Variants in AIM2 observed in about 807,000 individuals in gnomAD.
The protein encoded by AIM2 is absent in melanoma 2.
AIM2 carries 30 observed loss-of-function variants against 27.7 expected under a neutral mutation model. The observed-to-expected ratio is 1.08, with a 90% confidence interval of 0.81 to 1.47. The LOEUF (loss-of-function observed/expected upper bound fraction) is 1.47, where lower values mean the gene tolerates loss of function less well. AIM2 is among the 40% of genes most tolerant of loss of function. The pLI is 0.00. For synonymous variants in AIM2, 141 were observed against 145.3 expected (o/e 0.97, Z 0.21); for missense variants, 358 against 411.3 (o/e 0.87, Z 1.12).
chr1:159,085,726 G>A (rs577279766), intron 1 of AIM2, among the ~76,000 whole-genome samples: 2 of 152,330 alleles, frequency 1.3e-5, no homozygotes, highest in Non-Finnish European at 2.9e-5. Flanking sequence ...AGCTCAGACA[G>A]CAAGTGGTTG....
chr1:159,114,523 C>T (rs1236948971), intron 1 of AIM2, among the ~76,000 whole-genome samples: 1 of 152,146 alleles, frequency 6.6e-6, no homozygotes, highest in African/African-American at 2.4e-5. Context: ...TTGAGACCAG[C>T]CTGGCCACCA....
chr1:159,134,740 G>A (rs761688359), intron 1 of AIM2, among the ~76,000 whole-genome samples: 9 of 152,198 alleles, frequency 5.9e-5, no homozygotes, highest in Non-Finnish European at 1.2e-4. Context: ...GCTGAGGCAG[G>A]AGAATCACTT....
intron 1 of AIM2, among the ~76,000 whole-genome samples, chr1:159,134,648 A>G (rs11580888): frequency 0.12 from 18,636 of 152,216 alleles, 1,633 homozygotes; most frequent in South Asian, 0.31. Flanking sequence ...CCTGGACAAC[A>G]GGGTGAAACC....
At chr1:159,076,334 C>A (rs1656608812) in intron 1 of AIM2, among the ~76,000 whole-genome samples, 6 of 152,154 alleles carry the variant, frequency 3.9e-5, no homozygotes, top group South Asian at 4.1e-4. Context: ...TTCATAATAT[C>A]TGTTAACTTA....
At chr1:159,076,296 C>T (rs978631489) in intron 1 of AIM2, among the ~76,000 whole-genome samples, 1 of 152,098 alleles carries the variant, frequency 6.6e-6, no homozygotes, top group African/African-American at 2.4e-5. Context: ...AGTTATGTTG[C>T]CTTATAAATG....
rs187817879 is a variant in AIM2 at position 159,094,495 on chromosome 1, G to A, written c.-15-28166C>T. On this transcript the variant is annotated intron_variant, in intron 1 of 2. Coordinates refer to the AIM2 transcript ENST00000368129. ...GTGGATCACTTGAGGTCAGGAGTTC[G>A]AGACCAGCCTGGCCAACATGGTGAA... Among the ~76,000 whole-genome samples, 24 of 152,214 alleles carry A rather than the reference G, an allele frequency of 1.6e-4. No homozygotes were observed. The East Asian group carries it at 4.1e-3, about 26-fold the overall frequency.
intron 1 of AIM2, among the ~76,000 whole-genome samples, chr1:159,114,672 T>C (rs1462684478): frequency 1.3e-5 from 2 of 152,218 alleles, no homozygotes; most frequent in East Asian, 3.8e-4. Context: ...ATCGTGCTAC[T>C]GCACTACAGC....
intron 1 of AIM2, among the ~76,000 whole-genome samples, chr1:159,087,926 G>T (rs537353448): frequency 6.6e-6 from 1 of 152,216 alleles, no homozygotes; most frequent in Non-Finnish European, 1.5e-5. Context: ...GTAGATTTCT[G>T]CATTGCCAGA....
In AIM2 at chr1:159,063,567, A is replaced by G. The variant is rs1655940690; in HGVS notation, c.924T>C (p.Asp308=). ...NEDTMKCKEG[D]KVRLTFFTLS... is the part of the protein sequence containing the mutation. ...GTGTGAAGAATGTAAGTCGAACCTT[A>G]TCTCCTTCCTTACATTTCATTGTGT... Residue 308 remains aspartate (D), a synonymous_variant, in exon 5 of 6, where the codon GAT becomes GAC. Transcript: ENST00000368130. The G allele has an allele frequency of 6.2e-7, 1 of 1,614,014 alleles. No homozygotes were observed. Among genetic ancestry groups the G allele is most frequent in the African/African-American group, 1.3e-5 (1 of 74,918 alleles).
At chr1:159,064,296 G>A (rs1296686624) in intron 4 of AIM2, among the ~76,000 whole-genome samples, 4 of 152,180 alleles carry the variant, frequency 2.6e-5, no homozygotes, top group Non-Finnish European at 5.9e-5. Context: ...AGAACATGTT[G>A]TCTCCTATGC....
rs572406322 is a variant in AIM2 at position 159,073,023 on chromosome 1, A to C, written c.262+215T>G. On this transcript the variant is annotated intron_variant, in intron 2 of 5. Coordinates refer to ENST00000368130, the MANE Select transcript of AIM2 (RefSeq NM_004833.3). ...GTGGTAACCCTAAGGCTGGAAGAAG[A>C]GATGCAAACAAAGGCTGGAATGGAT... is the stretch of plus-strand genomic sequence containing the variant. Among the ~76,000 whole-genome samples the C allele has an allele frequency of 5.4e-4, 82 of 152,330 alleles. No individual in the cohort carries two copies. The South Asian group carries it at 7.9e-3, about 15-fold the overall frequency.
At chr1:159,082,660 T>C (rs1656807454) in intron 1 of AIM2, among the ~76,000 whole-genome samples, 1 of 152,154 alleles carries the variant, frequency 6.6e-6, no homozygotes, top group African/African-American at 2.4e-5. Context: ...CTATCCCACG[T>C]AGTATAAGAG....
intron 2 of AIM2, 146 bp downstream of exon 2, chr1:159,073,091 TA>T: frequency 2.0e-6 from 2 of 983,264 alleles, no homozygotes; most frequent in South Asian, 1.7e-5. Flanking sequence ...CGATTCTCAG[TA>T]AAAGGGGGCA....
At chr1:159,131,997 A>G (rs1647897593) in intron 1 of AIM2, among the ~76,000 whole-genome samples, 1 of 152,136 alleles carries the variant, frequency 6.6e-6, no homozygotes, top group African/African-American at 2.4e-5. Flanking sequence ...CAGAAAATAA[A>G]ATAGTATCTG....
At chr1:159,100,903 A>G (rs1657296723) in intron 1 of AIM2, among the ~76,000 whole-genome samples, 1 of 152,148 alleles carries the variant, frequency 6.6e-6, no homozygotes, top group Admixed American at 6.5e-5. Context: ...GATGGATGAA[A>G]TTTCTGTCAC....
chr1:159,056,783 C>A, the AIM2 span, among the ~76,000 whole-genome samples: 1 of 142,010 alleles, frequency 7.0e-6, no homozygotes, highest in South Asian at 2.4e-4. Flanking sequence ...CTTCTGGGTT[C>A]CCTTCCCCTG....
At chr1:159,122,223 A>G (rs893774053) in intron 1 of AIM2, 1 of 152,226 alleles carries the variant, frequency 6.6e-6, no homozygotes, top group Non-Finnish European at 1.5e-5. Context: ...ACTAAAAAGA[A>G]GAATGTTTTG....
At chr1:159,082,254 T>C (rs1656795155) in intron 1 of AIM2, among the ~76,000 whole-genome samples, 1 of 152,208 alleles carries the variant, frequency 6.6e-6, no homozygotes, top group Non-Finnish European at 1.5e-5. Flanking sequence ...CTGATAATTA[T>C]AATAATCACA....
intron 1 of AIM2, among the ~76,000 whole-genome samples, chr1:159,095,429 C>T (rs1186343974): frequency 6.6e-6 from 1 of 152,136 alleles, no homozygotes; most frequent in Admixed American, 6.6e-5. Flanking sequence ...ACTGAGGGCT[C>T]AGGAAGAGAA....
Sources: gnomAD v4.1 joint callset for allele counts (sites outside exome capture counted in the v4.1 genomes callset) on GRCh38, gnomAD v4.1.1 for gene constraint, MANE v1.5 for transcripts, NCBI Gene and HGNC (gene_info 2026-07-23, HGNC 2026-07-21) for gene names.